The following AGAP1 variants were observed in gnomAD, a reference collection of about 807,000 sequenced individuals.
AGAP1 encodes arf-GAP with GTPase, ANK repeat and PH domain-containing protein 1.
In AGAP1, 29 loss-of-function variants were observed where a neutral mutation model predicts 105.3. The observed-to-expected ratio is 0.28, with a 90% confidence interval of 0.21 to 0.38. AGAP1 has a LOEUF of 0.38. AGAP1 is among the 10% of genes least tolerant of loss of function. AGAP1 has a pLI of 1.00. For missense variants in AGAP1, 998 were observed against 1,165.1 expected, an observed-to-expected ratio of 0.86 and a Z score of 2.09; for synonymous variants, 509 against 485.9, an observed-to-expected ratio of 1.05 and a Z score of -0.63.
At position 236,000,529 on chromosome 2, in the gene AGAP1, A is replaced by G. The variant is rs1001317510; in HGVS notation, c.1645+31906A>G. 6.7e-6 allele frequency among the ~76,000 whole-genome samples: 1 copy of G among 150,162 alleles called. No individual in the cohort carries two copies. Among genetic ancestry groups the G allele is most frequent in the Non-Finnish European group, 1.5e-5 (1 of 67,550 alleles). On this transcript the variant is annotated intron_variant, in intron 13 of 17. Transcript: ENST00000304032. This position sits in a 1 kb window ranked among gnomAD's most constrained non-coding sequence, Gnocchi z 4.3. ...GTTGATGGTGGGGTGTGCATCCCCC[A>G]CCCCCCAAGCCTGTTCCTAGAAGGC...
At chr2:235,531,712 A>G (rs188677750) in intron 1 of AGAP1, among the ~76,000 whole-genome samples, 1 of 151,610 alleles carries the variant, frequency 6.6e-6, no homozygotes, top group East Asian at 2.0e-4. Flanking sequence ...GGTTCAAGCA[A>G]TTCTCCCGTC....
chr2:235,717,759 T>C, intron 3 of AGAP1, 115 bp downstream of exon 3: 11 of 883,664 alleles, frequency 1.2e-5, no homozygotes, highest in Non-Finnish European at 1.7e-5. Flanking sequence ...CAATAAAACA[T>C]ACCAAGCGGT....
intron 10 of AGAP1, among the ~76,000 whole-genome samples, chr2:235,894,439 G>A (rs2050701181): frequency 6.6e-6 from 1 of 152,206 alleles, no homozygotes; most frequent in Non-Finnish European, 1.5e-5. Flanking sequence ...TGGTGTGAAT[G>A]TCACCCCAAG....
rs947429327 is a variant in AGAP1, at chr2:236,048,983, C to T, written c.1892-76C>T. The T allele has an allele frequency of 2.2e-6, 3 of 1,387,020 alleles. No individual in the cohort carries two copies. In the African/African-American group the frequency reaches 4.3e-5, roughly 20 times the overall value. 85.9% of individuals were successfully genotyped at this position (1,387,020 alleles called of 1,614,324 possible). ...GTTGTGAAGTTTGACTGATTCGTCG[C>T]CTTGTGTTTCTAAGAACGGTTGGAA... On this transcript the variant is annotated intron_variant, in intron 15 of 17. Transcript: ENST00000304032.
intron 6 of AGAP1, among the ~76,000 whole-genome samples, chr2:235,774,949 T>C (rs1398292302): frequency 6.6e-6 from 1 of 152,092 alleles, no homozygotes; most frequent in African/African-American, 2.4e-5. Context: ...AAAATGTCAG[T>C]TTGGGGAAAG....
chr2:235,817,881 ACT>A (rs573491065), intron 9 of AGAP1, among the ~76,000 whole-genome samples: 6 of 152,250 alleles, frequency 3.9e-5, no homozygotes, highest in Admixed American at 6.5e-5. Flanking sequence ...ACAGAGTGAG[ACT>A]CTGTCTCAAA....
rs537410002 is a variant in AGAP1 at position 235,741,701 on chromosome 2, GTTATTA to G, written c.396+662_396+667del. On this transcript the variant is annotated intron_variant, in intron 4 of 17. Transcript: ENST00000304032. This position sits in a 1 kb window ranked among gnomAD's most constrained non-coding sequence, Gnocchi z 4.9. ...ACCAGTTAAGCACTTTATTATTATTGTTATTATTATTATTGTTGTTGTTGTTATTAT... is the reference window on the plus strand; with the variant it reads ...ACCAGTTAAGCACTTTATTATTATTGTTATTATTGTTGTTGTTGTTATTAT... Among the ~76,000 whole-genome samples the G allele has an allele frequency of 6.7e-3, 1,011 of 150,266 alleles. 17 individuals carry two copies. The highest frequency in any genetic ancestry group is 0.022 in the African/African-American group (923 of 41,098).
At chr2:235,998,797 G>A (rs1216828878) in intron 13 of AGAP1, among the ~76,000 whole-genome samples, 1 of 145,340 alleles carries the variant, frequency 6.9e-6, no homozygotes, top group Non-Finnish European at 1.6e-5. Flanking sequence ...TGTGACAGTG[G>A]TGGTAATGAT....
chr2:236,106,569 A>G (rs944892510), intron 16 of AGAP1, among the ~76,000 whole-genome samples: 1 of 152,216 alleles, frequency 6.6e-6, no homozygotes, highest in African/African-American at 2.4e-5. Flanking sequence ...TCTGGGGGCC[A>G]TGCTGGGATT....
intron 6 of AGAP1, among the ~76,000 whole-genome samples, chr2:235,783,967 CGGACGGACGGACGGAT>C (rs1246480236): frequency 4.5e-5 from 4 of 89,334 alleles, no homozygotes; most frequent in East Asian, 8.1e-4. Context: ...ATGAAATGGA[CGGACGGACGGACGGAT>C]GGACGGACGG....
chr2:235,909,079 T>G (rs181154577), intron 11 of AGAP1, among the ~76,000 whole-genome samples, 173 bp downstream of exon 11: 59 of 152,320 alleles, frequency 3.9e-4, no homozygotes, highest in Admixed American at 3.5e-3. Context: ...AACTTTCAGT[T>G]CCGCAAATGC....
chr2:235,682,001 C>T (rs546930418), intron 1 of AGAP1, among the ~76,000 whole-genome samples: 1 of 152,052 alleles, frequency 6.6e-6, no homozygotes, highest in Non-Finnish European at 1.5e-5. Context: ...AGGCATCCGC[C>T]ACCACGCCCA....
At position 235,601,977 on chromosome 2, in the gene AGAP1, C is replaced by T. The variant is rs1487611114; in HGVS notation, c.163+107128C>T. The stretch of plus-strand genomic sequence containing the variant: ...AGACTCCAGGGTGACCCCTAAAACC[C>T]AAGTCCAATCACATTACTCCTGGGC... On this transcript the variant is annotated intron_variant, in intron 1 of 17. Transcript: ENST00000304032. This position sits in a 1 kb window ranked among gnomAD's most constrained non-coding sequence, Gnocchi z 4.4. 6.6e-6 allele frequency among the ~76,000 whole-genome samples: 1 copy of T among 152,222 alleles called. No homozygotes were observed. Among genetic ancestry groups the T allele is most frequent in the East Asian group, 1.9e-4 (1 of 5,174 alleles).
Position 235,667,308 on chromosome 2 carries a change from C to T in AGAP1, c.164-41871C>T, listed in dbSNP as rs145033561. 1.8e-4 allele frequency among the ~76,000 whole-genome samples: 27 copies of T among 152,222 alleles called. No homozygotes were observed. The East Asian group carries it at 4.4e-3, about 25-fold the overall frequency. On this transcript the variant is annotated intron_variant, in intron 1 of 17. Coordinates refer to ENST00000304032, the MANE Select transcript of AGAP1 (RefSeq NM_001037131.3). Reference sequence around the variant, plus strand: ...GATGAATAAATGAACCAATAGAAAACCGAGTAAGTCTGTGAAAGTTTGCTA... The same window carrying T: ...GATGAATAAATGAACCAATAGAAAATCGAGTAAGTCTGTGAAAGTTTGCTA...
intron 1 of AGAP1, among the ~76,000 whole-genome samples, chr2:235,650,765 A>G (rs929899449): frequency 1.2e-4 from 18 of 152,200 alleles, no homozygotes; most frequent in Admixed American, 3.3e-4. Context: ...CTTAGCTTCA[A>G]GTAAAACTCT....
chr2:235,722,210 T>C (rs1201657063), intron 3 of AGAP1, among the ~76,000 whole-genome samples: 1 of 152,168 alleles, frequency 6.6e-6, no homozygotes, highest in Non-Finnish European at 1.5e-5. Flanking sequence ...ACCTCAGTCC[T>C]AGGGCTGTGG....
chr2:235,803,016 ATGG>A (rs745665196), intron 8 of AGAP1, among the ~76,000 whole-genome samples: 20 of 1,744 alleles, frequency 0.011, no homozygotes, highest in East Asian at 0.017. Context: ...TGTGGTTGTG[ATGG>A]TGGTGATGGT....
intron 2 of AGAP1, among the ~76,000 whole-genome samples, chr2:235,709,943 T>C (rs1950761470): frequency 6.6e-6 from 1 of 152,224 alleles, no homozygotes; most frequent in Non-Finnish European, 1.5e-5. Flanking sequence ...TCTGTGTATG[T>C]ATGTATATAT....
chr2:235,777,958 C>G lies in AGAP1; in HGVS notation c.674-19801C>G, dbSNP rs528755069. 1.3e-5 allele frequency among the ~76,000 whole-genome samples: 2 copies of G among 152,306 alleles called. No individual in the cohort carries two copies. Among genetic ancestry groups the G allele is most frequent in the East Asian group, 1.9e-4 (1 of 5,170 alleles). The stretch of plus-strand genomic sequence containing the variant: ...GGGACTTCCTTGGCCCCTCCTGGCT[C>G]TGCCCTGAGCCCGCTGCCCTCACCC... On this transcript the variant is annotated intron_variant, in intron 6 of 17. Coordinates refer to ENST00000304032, the MANE Select transcript of AGAP1 (RefSeq NM_001037131.3). This position sits in a 1 kb window ranked among gnomAD's most constrained non-coding sequence, Gnocchi z 5.1.
Sources: allele counts gnomAD v4.1 joint callset (sites outside exome capture counted in the v4.1 genomes callset), GRCh38; gene constraint gnomAD v4.1.1; non-coding constraint Gnocchi (gnomAD v3.1); transcripts MANE v1.5; gene names NCBI Gene and HGNC (gene_info 2026-07-23, HGNC 2026-07-21).